Variants in CEP128 observed in about 807,000 individuals in gnomAD.
CEP128 encodes centrosomal protein 128, also known as centrosomal protein 128kDa.
Under a neutral mutation model 156.7 loss-of-function variants are expected in CEP128, and 132 were observed. The ratio of observed to expected loss-of-function variants is 0.84; its 90% CI spans 0.73 to 0.97. CEP128 has a LOEUF of 0.97. Ranked by LOEUF, CEP128 falls within the 50% of genes least tolerant of loss-of-function variation. CEP128 has a pLI of 0.00. For synonymous variants in CEP128, 469 were observed against 448.9 expected, an observed-to-expected ratio of 1.04 and a Z score of -0.57; for missense variants, 1,252 against 1,281.9, an observed-to-expected ratio of 0.98 and a Z score of 0.36.
rs79392667 is a variant in CEP128, at chr14:80,877,734, A to C, written c.646-14861T>G. Among the ~76,000 whole-genome samples, 1,054 of 152,224 alleles carry C rather than the reference A, an allele frequency of 6.9e-3. 10 individuals carry two copies. Among genetic ancestry groups the C allele is most frequent in the African/African-American group, 0.024 (994 of 41,518 alleles). On this transcript the variant is annotated intron_variant, in intron 8 of 24. Transcript: ENST00000555265. ...TACCCACCTAGGGACAAGCTACTTC[A>C]GTCACTGCATATCCCCATCTCAGTC...
At chr14:80,742,062 A>G (rs1000485714) in intron 19 of CEP128, among the ~76,000 whole-genome samples, 1 of 152,184 alleles carries the variant, frequency 6.6e-6, no homozygotes, top group South Asian at 2.1e-4. Flanking sequence ...GTAATTATTT[A>G]TAAGTCCTCA....
At chr14:80,572,460 C>G (rs17110799) in intron 20 of CEP128, among the ~76,000 whole-genome samples, 22,876 of 151,964 alleles carry the variant, frequency 0.15, 1,834 homozygotes, top group South Asian at 0.23. Flanking sequence ...CAGAGATAGA[C>G]GATAAAATGG....
At chr14:80,894,414 A>G (rs930823716) in intron 8 of CEP128, among the ~76,000 whole-genome samples, 1 of 151,972 alleles carries the variant, frequency 6.6e-6, no homozygotes, top group Non-Finnish European at 1.5e-5. Flanking sequence ...TACTGCAATT[A>G]ACTAAGAAAA....
rs1555372783 is a variant in CEP128, at chr14:80,541,443, T to TTAAAAA, written c.2881-10558_2881-10557insTTTTTA. 2.1e-3 allele frequency among the ~76,000 whole-genome samples: 227 copies of TTAAAAA among 109,916 alleles called. 3 individuals are homozygous for TTAAAAA. Among genetic ancestry groups the TTAAAAA allele is most frequent in the Middle Eastern group, 0.017 (3 of 176 alleles). The allele number at this position is 109,916 out of a possible 152,430, so 72.1% of individuals were successfully genotyped here. A position where few individuals can be genotyped will look rare whatever the true frequency, so the allele number is the denominator to read the frequency against. On this transcript the variant is annotated intron_variant, in intron 21 of 24. Transcript: ENST00000555265. The stretch of plus-strand genomic sequence containing the variant: ...CAGAAAGTGAAGCTAATGACTGTGT[T>TTAAAAA]AAAAAAAAAAAAAAAAAAAAAACCA...
At chr14:80,679,807 T>C (rs1480102062) in intron 19 of CEP128, among the ~76,000 whole-genome samples, 1 of 152,176 alleles carries the variant, frequency 6.6e-6, no homozygotes, top group Non-Finnish European at 1.5e-5. Flanking sequence ...AAGTCCTTAA[T>C]AAAAACCTGC....
intron 8 of CEP128, among the ~76,000 whole-genome samples, chr14:80,872,159 C>G (rs549237636): frequency 6.6e-6 from 1 of 152,010 alleles, no homozygotes; most frequent in African/African-American, 2.4e-5. Flanking sequence ...ACTTTTTCCT[C>G]CAAAAATAAT....
intron 2 of CEP128, among the ~76,000 whole-genome samples, chr14:80,917,815 G>A (rs1436040746): frequency 6.6e-6 from 1 of 152,222 alleles, no homozygotes; most frequent in Non-Finnish European, 1.5e-5. Context: ...GAAAGCAACT[G>A]TGTTTTTAAA....
intron 13 of CEP128, chr14:80,822,448 C>T (rs1427758119): frequency 2.0e-5 from 10 of 501,842 alleles, no homozygotes; most frequent in Middle Eastern, 7.4e-4. Flanking sequence ...GAAGAAGAGG[C>T]GAGAACGAAC....
At chr14:80,567,718 T>C (rs776961293) in intron 20 of CEP128, among the ~76,000 whole-genome samples, 1 of 152,140 alleles carries the variant, frequency 6.6e-6, no homozygotes, top group Non-Finnish European at 1.5e-5. Flanking sequence ...AAACTGCTCG[T>C]AACAGGTAAC....
chr14:80,492,676 C>T (rs1353971880), downstream of CEP128, among the ~76,000 whole-genome samples: 1 of 152,046 alleles, frequency 6.6e-6, no homozygotes, highest in Non-Finnish European at 1.5e-5. Flanking sequence ...CATTTGAATG[C>T]TTGGTGGCTT....
intron 19 of CEP128, among the ~76,000 whole-genome samples, chr14:80,598,787 C>G (rs1275027161): frequency 1.3e-5 from 2 of 151,922 alleles, no homozygotes; most frequent in Admixed American, 6.6e-5. Context: ...CTCAATAGAA[C>G]AGAATAGAAA....
In CEP128 at chr14:80,518,916, A is replaced by G. The variant is rs1888613317; in HGVS notation, c.3072+7953T>C. Among the ~76,000 whole-genome samples, 4 of 152,244 alleles carry G rather than the reference A, an allele frequency of 2.6e-5. No homozygotes were observed. The South Asian group carries it at 8.3e-4, about 32-fold the overall frequency. On this transcript the variant is annotated intron_variant, in intron 23 of 24. Transcript: ENST00000555265. ...CTTTGAACAATCAACATAACAGAGTATGAAAAAAATAATGTCATCTCCTCT... is the reference window on the plus strand; with the variant it reads ...CTTTGAACAATCAACATAACAGAGTGTGAAAAAAATAATGTCATCTCCTCT...
chr14:80,764,805 C>A (rs1362184768), intron 16 of CEP128, among the ~76,000 whole-genome samples: 1 of 152,174 alleles, frequency 6.6e-6, no homozygotes, highest in South Asian at 2.1e-4. Flanking sequence ...TTAAACTAAA[C>A]AAACAAATCC....
chr14:80,695,735 G>A (rs1363103950), intron 19 of CEP128, among the ~76,000 whole-genome samples: 1 of 151,014 alleles, frequency 6.6e-6, no homozygotes, highest in Non-Finnish European at 1.5e-5. Flanking sequence ...AAAAGAAATT[G>A]CAGGGTGTGT....
intron 19 of CEP128, among the ~76,000 whole-genome samples, chr14:80,730,827 G>C (rs1014302592): frequency 6.6e-6 from 1 of 152,138 alleles, no homozygotes; most frequent in South Asian, 2.1e-4. Flanking sequence ...TTTGATCTTA[G>C]TTTCCTCTTT....
At chr14:80,730,276 T>A (rs867245465) in intron 19 of CEP128, among the ~76,000 whole-genome samples, 14 of 152,344 alleles carry the variant, frequency 9.2e-5, no homozygotes, top group South Asian at 8.3e-4. Context: ...TTTGACTGTC[T>A]ATTAACCTCA....
rs183596024 is a variant in CEP128, at chr14:80,626,894, T to G, written c.2807-46471A>C. Among the ~76,000 whole-genome samples the G allele has an allele frequency of 5.3e-5, 8 of 152,174 alleles. No individual in the cohort carries two copies. The East Asian group carries it at 1.6e-3, about 30-fold the overall frequency. On this transcript the variant is annotated intron_variant, in intron 19 of 24. Coordinates refer to ENST00000555265, the MANE Select transcript of CEP128 (RefSeq NM_152446.5). ...GCAGTGAGCCAAGATGGTGCACCAT[T>G]GCACTCCCGCCTGGGCAACAGAGCA...
At chr14:80,678,832 A>T (rs1595201332) in intron 19 of CEP128, among the ~76,000 whole-genome samples, 1 of 152,228 alleles carries the variant, frequency 6.6e-6, no homozygotes, top group Admixed American at 6.5e-5. Flanking sequence ...ATTTGGGTCC[A>T]TGTTGTGGGA....
chr14:80,764,786 A>C (rs527396138), intron 16 of CEP128, among the ~76,000 whole-genome samples: 7 of 152,330 alleles, frequency 4.6e-5, no homozygotes, highest in African/African-American at 1.4e-4. Flanking sequence ...TCCAAGCTAT[A>C]TGCAACAATT....
Sources: gnomAD v4.1 joint callset for allele counts (sites outside exome capture counted in the v4.1 genomes callset) on GRCh38, gnomAD v4.1.1 for gene constraint, MANE v1.5 for transcripts, NCBI Gene and HGNC (gene_info 2026-07-23, HGNC 2026-07-21) for gene names.